Variants in SGO2 observed in about 807,000 individuals in gnomAD.
The protein encoded by SGO2 is shugoshin 2.
In SGO2, 68 loss-of-function variants were observed where a neutral mutation model predicts 99.5. The ratio of observed to expected loss-of-function variants is 0.68; its 90% CI spans 0.56 to 0.84. SGO2 has a LOEUF of 0.84. Among genes scored for constraint, SGO2 ranks in the 40% least tolerant of loss-of-function variants. The pLI is 0.00. For missense variants in SGO2, 1,350 were observed against 1,436.7 expected (o/e 0.94, Z 0.97); for synonymous variants, 457 against 487.1 (o/e 0.94, Z 0.81).
At chr2:200,553,001 C>T (rs982046651) in intron 5 of SGO2, among the ~76,000 whole-genome samples, 7 of 152,034 alleles carry the variant, frequency 4.6e-5, no homozygotes, top group South Asian at 2.1e-4. Context: ...TGTAGAGGGA[C>T]GAAAATTCAT....
intron 5 of SGO2, among the ~76,000 whole-genome samples, chr2:200,544,733 A>ATCTATCTG (rs1204116983): frequency 2.7e-5 from 4 of 148,638 alleles, no homozygotes; most frequent in African/African-American, 1.0e-4. Flanking sequence ...CTATCTATCT[A>ATCTATCTG]TCTTTGGCTT....
At chr2:200,531,993 G>A (rs1049321287) in intron 1 of SGO2, 1 of 152,204 alleles carries the variant, frequency 6.6e-6, no homozygotes, top group Non-Finnish European at 1.5e-5. Context: ...TATCTTCAAA[G>A]GCCCTTTTTC....
At chr2:200,575,570 A>T in intron 8 of SGO2, 109 bp downstream of exon 8, 1 of 773,654 alleles carries the variant, frequency 1.3e-6, no homozygotes, top group Non-Finnish European at 2.0e-6. Context: ...AATGTATATT[A>T]TTGATATGTA....
At chr2:200,550,905 A>G (rs924503022) in intron 5 of SGO2, among the ~76,000 whole-genome samples, 2 of 152,100 alleles carry the variant, frequency 1.3e-5, no homozygotes, top group South Asian at 4.1e-4. Flanking sequence ...GAGACAACCC[A>G]TATAATGTGA....
intron 5 of SGO2, among the ~76,000 whole-genome samples, chr2:200,549,306 A>G (rs2032366517): frequency 6.6e-6 from 1 of 152,160 alleles, no homozygotes; most frequent in South Asian, 2.1e-4. Flanking sequence ...CCAGGACTTG[A>G]TGGATTCGCT....
intron 1 of SGO2, among the ~76,000 whole-genome samples, chr2:200,529,220 T>C (rs995484155): frequency 6.6e-6 from 1 of 152,252 alleles, no homozygotes; most frequent in African/African-American, 2.4e-5. Context: ...TTCATTTTCA[T>C]GCATTTACAC....
intron 2 of SGO2, among the ~76,000 whole-genome samples, chr2:200,533,920 C>A (rs1298907244): frequency 1.3e-5 from 2 of 152,072 alleles, no homozygotes; most frequent in Admixed American, 6.6e-5. Flanking sequence ...TTCCACACCC[C>A]CTGTTATGAA....
chr2:200,535,168 C>G lies in SGO2; in HGVS notation c.306C>G (p.Asn102Lys), dbSNP rs201901313. ...CATTTCTTCGCCTAAAGCTAAATAA[C>G]TTGGTATGTAAGCTATATTGTTTTT... The part of the protein sequence containing the change: ...ENTFLRLKLN[N>K]LNKKLIDIEA... Residue 102 changes from asparagine to lysine, a missense_variant, in exon 3 of 9, where the codon AAC becomes AAG. Transcript: ENST00000357799. The G allele has an allele frequency of 5.3e-6, 8 of 1,518,362 alleles. No individual in the cohort carries two copies. Among genetic ancestry groups the G allele is most frequent in the Non-Finnish European group, 6.1e-6 (7 of 1,144,244 alleles). 94.1% of individuals were successfully genotyped at this position (1,518,362 alleles called of 1,614,324 possible).
At chr2:200,546,108 A>G (rs1358224750) in intron 5 of SGO2, among the ~76,000 whole-genome samples, 3 of 152,028 alleles carry the variant, frequency 2.0e-5, no homozygotes, top group Non-Finnish European at 4.4e-5. Context: ...TACTAGCTCC[A>G]AGGTGAACCT....
intron 8 of SGO2, 87 bp downstream of exon 8, chr2:200,575,548 A>C (rs2033626978): frequency 2.2e-6 from 2 of 929,664 alleles, no homozygotes; most frequent in Non-Finnish European, 3.2e-6. Flanking sequence ...AGCACTTCTG[A>C]TAATTCAATA....
At chr2:200,539,150 G>C (rs1427102447) in intron 4 of SGO2, among the ~76,000 whole-genome samples, 1 of 152,088 alleles carries the variant, frequency 6.6e-6, no homozygotes, top group Non-Finnish European at 1.5e-5. Context: ...TTTCTGATGA[G>C]AGTGATAGTA....
Position 200,583,527 on chromosome 2 carries a change from T to C in SGO2, c.*63T>C, listed in dbSNP as rs2033903847. On this transcript the variant is annotated 3_prime_UTR_variant, in exon 9 of 9. Coordinates refer to ENST00000357799, the MANE Select transcript of SGO2 (RefSeq NM_152524.6). ...AGCATAAGGAATCAAAACAGAAATA[T>C]AGTATCAAGAAGATGAAATGCTTAA... The C allele has an allele frequency of 6.2e-6, 9 of 1,459,248 alleles. No individual in the cohort carries two copies. Among genetic ancestry groups the C allele is most frequent in the Middle Eastern group, 1.8e-4 (1 of 5,616 alleles). The allele number at this position is 1,459,248 out of a possible 1,614,324, so 90.4% of individuals were successfully genotyped here. A position where few individuals can be genotyped will look rare whatever the true frequency, so the allele number is the denominator to read the frequency against.
chr2:200,582,325 C>T (rs1161308871), intron 8 of SGO2, among the ~76,000 whole-genome samples: 1 of 152,120 alleles, frequency 6.6e-6, no homozygotes, highest in Non-Finnish European at 1.5e-5. Context: ...ATTGCATTCA[C>T]AACCCTATGG....
At chr2:200,559,448 TTC>T (rs1355692383) in intron 5 of SGO2, among the ~76,000 whole-genome samples, 3 of 152,156 alleles carry the variant, frequency 2.0e-5, no homozygotes, top group Admixed American at 6.5e-5. Flanking sequence ...TATTGTTTCT[TTC>T]TGTTTTGCTT....
At chr2:200,533,595 T>C (rs1475355482) in intron 2 of SGO2, among the ~76,000 whole-genome samples, 3 of 151,326 alleles carry the variant, frequency 2.0e-5, no homozygotes, top group African/African-American at 7.3e-5. Flanking sequence ...ACTGAGCACT[T>C]TGGAAATGGA....
At chr2:200,562,233 A>G (rs2033001923) in intron 5 of SGO2, among the ~76,000 whole-genome samples, 1 of 152,204 alleles carries the variant, frequency 6.6e-6, no homozygotes, top group Admixed American at 6.5e-5. Context: ...TAATTTTTGT[A>G]TAAGGTGTAA....
chr2:200,540,438 A>G (rs930935429), intron 4 of SGO2, among the ~76,000 whole-genome samples: 1 of 152,164 alleles, frequency 6.6e-6, no homozygotes, highest in Non-Finnish European at 1.5e-5. Context: ...TCTGTTGACA[A>G]CACTGTGGTG....
Position 200,571,060 on chromosome 2 carries a change from C to T in SGO2, c.714C>T (p.Ser238=). 1 of 1,562,886 alleles carries T rather than the reference C, an allele frequency of 6.4e-7. No individual in the cohort carries two copies. The highest frequency in any genetic ancestry group is 1.2e-5 in the South Asian group (1 of 82,576). The change falls in exon 7 of 9, where the codon TCC becomes TCT. Residue 238 remains serine (S), a synonymous_variant. Coordinates refer to ENST00000357799, the MANE Select transcript of SGO2 (RefSeq NM_152524.6). ...TCCTTTTCTTAATAGAAAGCCATTC[C>T]CACTCAGACCAAAGTTCTAAGACTT... ...IVDVPPRESH[S]HSDQSSKTSL... is the part of the protein sequence containing the mutation.
intron 5 of SGO2, among the ~76,000 whole-genome samples, chr2:200,546,158 A>C (rs576732344): frequency 6.7e-6 from 1 of 149,888 alleles, no homozygotes; most frequent in East Asian, 2.0e-4. Flanking sequence ...GAAGGCAGCA[A>C]ACTAGCAGTA....
Sources: gnomAD v4.1 joint callset for allele counts (sites outside exome capture counted in the v4.1 genomes callset) on GRCh38, gnomAD v4.1.1 for gene constraint, MANE v1.5 for transcripts, NCBI Gene and HGNC (gene_info 2026-07-23, HGNC 2026-07-21) for gene names.